The following CHN1 variants were observed in gnomAD, a reference collection of about 807,000 sequenced individuals.
CHN1 encodes the protein N-chimaerin.
Under a neutral mutation model 59.5 loss-of-function variants are expected in CHN1, and 37 were observed. The ratio of observed to expected loss-of-function variants is 0.62; its 90% CI spans 0.48 to 0.82. The LOEUF (loss-of-function observed/expected upper bound fraction) is 0.82. Ranked by LOEUF, CHN1 falls within the 40% of genes least tolerant of loss-of-function variation. The probability of loss-of-function intolerance (pLI) is 0.00; values close to 1 mark genes in which losing one functional copy is unlikely to be tolerated. For missense variants in CHN1, 469 were observed against 571.0 expected (o/e 0.82, Z 1.82); for synonymous variants, 206 against 200.4 (o/e 1.03, Z -0.24).
chr2:174,911,125 G>C (rs1688691190), intron 5 of CHN1, among the ~76,000 whole-genome samples: 1 of 152,026 alleles, frequency 6.6e-6, no homozygotes, highest in Non-Finnish European at 1.5e-5. Flanking sequence ...GTCAGGAATA[G>C]TAAACCAGAA....
chr2:174,898,956 G>A (rs575243216), intron 5 of CHN1, among the ~76,000 whole-genome samples: 1 of 152,264 alleles, frequency 6.6e-6, no homozygotes, highest in South Asian at 2.1e-4. Flanking sequence ...AAAATAAAGA[G>A]TACAATTTTA....
intron 1 of CHN1, among the ~76,000 whole-genome samples, chr2:174,963,152 A>G (rs1690471872): frequency 6.6e-6 from 1 of 152,190 alleles, no homozygotes; most frequent in African/African-American, 2.4e-5. Context: ...AACACCTTCT[A>G]TGGGTGAGGG....
chr2:174,836,105 T>C (rs565101947), intron 7 of CHN1, among the ~76,000 whole-genome samples: 10 of 152,212 alleles, frequency 6.6e-5, no homozygotes, highest in Admixed American at 3.9e-4. Context: ...CCCACCCTAA[T>C]CTCTTTGTCC....
At position 175,005,181 on chromosome 2, in the gene CHN1, G is replaced by T; in HGVS notation, c.-269C>A. 29 of 1,261,998 alleles carry T rather than the reference G, an allele frequency of 2.3e-5. No homozygotes were observed. Among genetic ancestry groups the T allele is most frequent in the Non-Finnish European group, 2.9e-5 (29 of 1,001,698 alleles). The allele number at this position is 1,261,998 out of a possible 1,614,324, so 78.2% of individuals were successfully genotyped here. A position where few individuals can be genotyped will look rare whatever the true frequency, so the allele number is the denominator to read the frequency against. On this transcript the variant is annotated 5_prime_UTR_variant, in exon 1 of 13. Coordinates refer to ENST00000409900, the MANE Select transcript of CHN1 (RefSeq NM_001822.7). ...GGCACTTGTCGCTGCCATCAGGCGC[G>T]GAGCGTGCGCGCGGGAGGAGGTACC...
At chr2:174,884,068 C>T (rs947573403) in intron 5 of CHN1, among the ~76,000 whole-genome samples, 4 of 150,662 alleles carry the variant, frequency 2.7e-5, no homozygotes, top group Admixed American at 6.6e-5. Flanking sequence ...CCCAGGTTCA[C>T]GCCATTCTCC....
chr2:174,843,988 G>GTA (rs1686409715), intron 7 of CHN1, among the ~76,000 whole-genome samples: 1 of 151,932 alleles, frequency 6.6e-6, no homozygotes, highest in South Asian at 2.1e-4. Flanking sequence ...GTGTGTGTGT[G>GTA]TGTGTTGTAT....
intron 6 of CHN1, among the ~76,000 whole-genome samples, chr2:174,850,214 A>AT (rs999311367): frequency 7.2e-5 from 11 of 152,176 alleles, no homozygotes; most frequent in Admixed American, 2.6e-4. Flanking sequence ...ATGCTACCTC[A>AT]TATCAGTTAT....
At chr2:174,943,204 GTGTGTA>G (rs957274797) in intron 3 of CHN1, among the ~76,000 whole-genome samples, 12 of 133,024 alleles carry the variant, frequency 9.0e-5, no homozygotes, top group African/African-American at 2.6e-4. Flanking sequence ...GTGTGTGTGT[GTGTGTA>G]TGTGTGTACA....
At chr2:174,839,016 TAAA>T (rs780663866) in intron 7 of CHN1, among the ~76,000 whole-genome samples, 1 of 142,298 alleles carries the variant, frequency 7.0e-6, no homozygotes, top group Admixed American at 7.1e-5. Context: ...GACTCTGTCT[TAAA>T]AAAAAAAAAA....
intron 11 of CHN1, among the ~76,000 whole-genome samples, chr2:174,807,510 G>GTGTGTGTGTGTA: frequency 7.4e-6 from 1 of 134,274 alleles, no homozygotes; most frequent in Non-Finnish European, 1.6e-5. Context: ...GTGTGTGTGT[G>GTGTGTGTGTGTA]TGTTGCTTTC....
intron 1 of CHN1, among the ~76,000 whole-genome samples, chr2:174,967,191 A>C (rs1353082243): frequency 6.6e-6 from 1 of 151,982 alleles, no homozygotes; most frequent in Non-Finnish European, 1.5e-5. Context: ...AAAAAATACA[A>C]AAATTAATCA....
chr2:174,833,644 C>T (rs570373125), intron 7 of CHN1, among the ~76,000 whole-genome samples: 10 of 152,142 alleles, frequency 6.6e-5, no homozygotes, highest in Admixed American at 4.6e-4. Context: ...TAACTATCAA[C>T]CTGTTTTCTA....
intron 8 of CHN1, 35 bp downstream of exon 8, chr2:174,824,399 C>T: frequency 6.7e-7 from 1 of 1,502,946 alleles, no homozygotes; most frequent in Non-Finnish European, 9.1e-7. Context: ...AACTTCACAA[C>T]TGACTCAATC....
chr2:174,868,156 T>A (rs1250269600), intron 6 of CHN1, among the ~76,000 whole-genome samples: 1 of 152,196 alleles, frequency 6.6e-6, no homozygotes, highest in Non-Finnish European at 1.5e-5. Flanking sequence ...ATCTTAAATT[T>A]ATTAATTAGA....
At chr2:174,937,580 T>C (rs1262454507) in intron 3 of CHN1, among the ~76,000 whole-genome samples, 2 of 152,190 alleles carry the variant, frequency 1.3e-5, no homozygotes, top group East Asian at 3.9e-4. Flanking sequence ...ACATACAGTG[T>C]CTGATGTGGT....
intron 1 of CHN1, among the ~76,000 whole-genome samples, chr2:174,993,444 C>A (rs887517382): frequency 1.3e-5 from 2 of 151,976 alleles, no homozygotes; most frequent in Non-Finnish European, 2.9e-5. Context: ...AGATGAATGA[C>A]ATTCACAAAC....
intron 1 of CHN1, among the ~76,000 whole-genome samples, chr2:174,998,511 G>A (rs918716995): frequency 3.9e-5 from 6 of 151,924 alleles, no homozygotes; most frequent in African/African-American, 4.8e-5. Flanking sequence ...CTTACTCCAC[G>A]GAACATATGC....
intron 3 of CHN1, chr2:174,921,105 T>G (rs1689005082): frequency 1.1e-5 from 4 of 354,312 alleles, no homozygotes; most frequent in South Asian, 8.7e-5. Context: ...TAGTTGAAGC[T>G]TCGCTGGCTC....
At chr2:174,806,523 G>A (rs1162194094) in intron 11 of CHN1, among the ~76,000 whole-genome samples, 1 of 152,138 alleles carries the variant, frequency 6.6e-6, no homozygotes, top group Non-Finnish European at 1.5e-5. Flanking sequence ...CTTCCCTTGT[G>A]TAAGTCTCAT....
Sources: gnomAD v4.1 joint callset for allele counts (sites outside exome capture counted in the v4.1 genomes callset) on GRCh38, gnomAD v4.1.1 for gene constraint, MANE v1.5 for transcripts, NCBI Gene and HGNC (gene_info 2026-07-23, HGNC 2026-07-21) for gene names.